Variants in ADGRL2 observed in about 807,000 individuals in gnomAD.
ADGRL2 encodes the protein adhesion G protein-coupled receptor L2.
ADGRL2 carries 44 observed loss-of-function variants against 157.4 expected under a neutral mutation model. That is an observed-to-expected ratio of 0.28 (90% confidence interval 0.22 to 0.36). The LOEUF (loss-of-function observed/expected upper bound fraction) is 0.36, where lower values mean the gene tolerates loss of function less well. Among genes scored for constraint, ADGRL2 ranks in the 10% least tolerant of loss-of-function variants. The pLI is 1.00. For synonymous variants in ADGRL2, 585 were observed against 624.7 expected (o/e 0.94, Z 0.95); for missense variants, 1,510 against 1,768.9 (o/e 0.85, Z 2.63).
At chr1:81,940,563 C>T (rs1281202726) in intron 4 of ADGRL2, among the ~76,000 whole-genome samples, 2 of 151,576 alleles carry the variant, frequency 1.3e-5, no homozygotes, top group Admixed American at 6.6e-5. Flanking sequence ...AAGTTGTATG[C>T]CATTCCTATG....
At chr1:81,987,368 C>G (rs763760274) in intron 22 of ADGRL2, 1 of 1,352,990 alleles carries the variant, frequency 7.4e-7, no homozygotes, top group African/African-American at 1.4e-5. Flanking sequence ...ATATACTGTT[C>G]AGTTAATTCT....
chr1:81,325,120 G>T (rs774231243), intron 1 of ADGRL2, among the ~76,000 whole-genome samples: 3 of 152,124 alleles, frequency 2.0e-5, no homozygotes, highest in Non-Finnish European at 2.9e-5. Flanking sequence ...TTAGTAAATT[G>T]TCCACTAGAA....
intron 1 of ADGRL2, among the ~76,000 whole-genome samples, chr1:81,355,216 G>T (rs1454579979): frequency 6.6e-6 from 1 of 152,006 alleles, no homozygotes. Flanking sequence ...AAAATTGGCT[G>T]GGCTTGGTGG....
intron 1 of ADGRL2, among the ~76,000 whole-genome samples, chr1:81,745,487 A>G (rs556893824): frequency 2.6e-4 from 39 of 152,328 alleles, no homozygotes; most frequent in Admixed American, 7.2e-4. Context: ...GCAATTTCAT[A>G]TGATTCAATC....
chr1:81,625,035 A>C (rs2081881503), intron 3 of ADGRL2, among the ~76,000 whole-genome samples: 1 of 152,200 alleles, frequency 6.6e-6, no homozygotes, highest in Non-Finnish European at 1.5e-5. Flanking sequence ...GAGAGTTCAA[A>C]ACACTTTTAT....
At chr1:81,805,917 A>C (rs2089069909) in intron 1 of ADGRL2, among the ~76,000 whole-genome samples, 1 of 152,098 alleles carries the variant, frequency 6.6e-6, no homozygotes, top group Non-Finnish European at 1.5e-5. Flanking sequence ...TCTTGAATTC[A>C]GTAAATCTCT....
At chr1:81,788,937 C>T (rs1450048391) in intron 2 of ADGRL2, among the ~76,000 whole-genome samples, 3 of 152,088 alleles carry the variant, frequency 2.0e-5, no homozygotes, top group African/African-American at 4.8e-5. Context: ...AGGATGGTCT[C>T]GATCTCCTGA....
intron 4 of ADGRL2, among the ~76,000 whole-genome samples, chr1:81,937,907 G>A (rs960433735): frequency 6.6e-5 from 10 of 151,786 alleles, no homozygotes; most frequent in African/African-American, 9.7e-5. Context: ...TGCTGTGTCC[G>A]ATATGGTAGT....
Position 81,502,853 on chromosome 1 carries a change from C to G in ADGRL2, c.-248+57764C>G, listed in dbSNP as rs536759054. On this transcript the variant is annotated intron_variant, in intron 2 of 24. Coordinates refer to the ADGRL2 transcript ENST00000370721. ...GCTGCCGAGGCCCCTGCCCTCCTCT[C>G]CCCACCCAAGATCCGCTTTCCCATC... 5.0e-4 allele frequency: 803 copies of G among 1,612,982 alleles called. 3 individuals are homozygous for G. Among genetic ancestry groups the G allele is most frequent in the Middle Eastern group, 4.5e-3 (24 of 5,296 alleles).
intron 1 of ADGRL2, among the ~76,000 whole-genome samples, chr1:81,730,880 C>A (rs1405386864): frequency 6.6e-6 from 1 of 152,098 alleles, no homozygotes; most frequent in Admixed American, 6.6e-5. Context: ...TATTGATCAA[C>A]CTGATTATCT....
intron 2 of ADGRL2, among the ~76,000 whole-genome samples, chr1:81,492,942 A>T (rs1277149770): frequency 6.6e-6 from 1 of 152,168 alleles, no homozygotes; most frequent in East Asian, 1.9e-4. Context: ...AATGACCTTG[A>T]ATTATGATCT....
intron 21 of ADGRL2, among the ~76,000 whole-genome samples, chr1:81,986,475 TTCATGAGGGATA>T (rs1663189976): frequency 6.6e-6 from 1 of 152,086 alleles, no homozygotes; most frequent in Non-Finnish European, 1.5e-5. Flanking sequence ...CACAGATGTT[TTCATGAGGGATA>T]ATCCCACACC....
intron 2 of ADGRL2, among the ~76,000 whole-genome samples, chr1:81,859,145 T>G (rs2093307569): frequency 1.7e-5 from 1 of 59,652 alleles, no homozygotes; most frequent in Admixed American, 2.3e-4. Flanking sequence ...AAAGGAAAAT[T>G]TTGTCACTGA....
intron 3 of ADGRL2, among the ~76,000 whole-genome samples, chr1:81,925,231 A>G (rs937534623): frequency 2.0e-5 from 3 of 152,102 alleles, no homozygotes; most frequent in African/African-American, 4.8e-5. Flanking sequence ...TTGGAGAAAC[A>G]TGAACTATGT....
intron 2 of ADGRL2, among the ~76,000 whole-genome samples, chr1:81,505,760 AAAAT>A (rs2078960816): frequency 6.6e-6 from 1 of 151,532 alleles, no homozygotes; most frequent in African/African-American, 2.4e-5. Context: ...AAAAAAAAAA[AAAAT>A]AGGAGGCTGA....
At chr1:81,521,557 T>A (rs1264872447) in intron 2 of ADGRL2, among the ~76,000 whole-genome samples, 1 of 152,222 alleles carries the variant, frequency 6.6e-6, no homozygotes, top group Non-Finnish European at 1.5e-5. Context: ...TAAAATCATA[T>A]AAACTACTTA....
chr1:81,887,622 G>A (rs1218148482), intron 2 of ADGRL2, among the ~76,000 whole-genome samples: 2 of 152,132 alleles, frequency 1.3e-5, no homozygotes, highest in Non-Finnish European at 2.9e-5. Flanking sequence ...ATCTCTCCCA[G>A]TTCCAACATT....
In ADGRL2 at chr1:81,972,422, A is replaced by C. The variant is rs987511169; in HGVS notation, c.3021+504A>C. Among the ~76,000 whole-genome samples the C allele has an allele frequency of 3.3e-5, 5 of 152,212 alleles. No homozygotes were observed. In the East Asian group the frequency reaches 7.7e-4, roughly 23 times the overall value. ...AATCAACTTAAAATTTATTAGAAAT[A>C]AAATTACTTCTATAAGACTGAAGAT... On this transcript the variant is annotated intron_variant, in intron 17 of 23. Coordinates refer to ENST00000686636, the MANE Select transcript of ADGRL2 (RefSeq NM_001366006.2).
At chr1:81,542,989 T>C (rs979993036) in intron 2 of ADGRL2, among the ~76,000 whole-genome samples, 12 of 151,642 alleles carry the variant, frequency 7.9e-5, no homozygotes, top group African/African-American at 2.7e-4. Context: ...TGGGTCAAAT[T>C]TAAACACTTT....
Sources: allele counts gnomAD v4.1 joint callset (sites outside exome capture counted in the v4.1 genomes callset), GRCh38; gene constraint gnomAD v4.1.1; transcripts MANE v1.5; gene names NCBI Gene and HGNC (gene_info 2026-07-23, HGNC 2026-07-21).